Variants in RBFOX1 observed in about 807,000 individuals in gnomAD.
RBFOX1 encodes the protein RNA binding fox-1 homolog 1.
Under a neutral mutation model 57.7 loss-of-function variants are expected in RBFOX1, and 8 were observed. That is an observed-to-expected ratio of 0.14 (90% confidence interval 0.08 to 0.25). The LOEUF (loss-of-function observed/expected upper bound fraction) is 0.25. RBFOX1 is among the 10% of genes least tolerant of loss of function. RBFOX1 has a pLI of 1.00. For synonymous variants in RBFOX1, 326 were observed against 222.4 expected (o/e 1.47, Z -4.15); for missense variants, 611 against 548.5 (o/e 1.11, Z -1.14).
intron 3 of RBFOX1, among the ~76,000 whole-genome samples, chr16:6,758,414 A>T (rs2076132036): frequency 6.6e-6 from 1 of 152,158 alleles, no homozygotes; most frequent in Non-Finnish European, 1.5e-5. Flanking sequence ...TGTCATAGCA[A>T]CGGGTGCTAG....
rs781006857 is a variant in RBFOX1 at position 5,914,981 on chromosome 16, C to G, written c.351+47646C>G. 3.3e-5 allele frequency among the ~76,000 whole-genome samples: 5 copies of G among 152,178 alleles called. No homozygotes were observed. The East Asian group carries it at 7.7e-4, about 23-fold the overall frequency. On this transcript the variant is annotated intron_variant, in intron 4 of 19. Coordinates refer to the RBFOX1 transcript ENST00000641259. ...GAACCCACAGCCTTTTTATCACCTACTATTGTGATGTGCCATCACTTTTGC... is the reference window on the plus strand; with the variant it reads ...GAACCCACAGCCTTTTTATCACCTAGTATTGTGATGTGCCATCACTTTTGC...
intron 1 of RBFOX1, among the ~76,000 whole-genome samples, chr16:6,216,503 A>C (rs1010848453): frequency 6.6e-6 from 1 of 152,104 alleles, no homozygotes; most frequent in Non-Finnish European, 1.5e-5. Flanking sequence ...GACCCTCTGT[A>C]TTTGGCTTGA....
chr16:6,135,381 A>G (rs556267999), intron 1 of RBFOX1, among the ~76,000 whole-genome samples: 1 of 152,212 alleles, frequency 6.6e-6, no homozygotes, highest in East Asian at 1.9e-4. Flanking sequence ...CATAGAATTC[A>G]GTGCAGGTAT....
chr16:5,832,404 A>G (rs762206795), intron 3 of RBFOX1, among the ~76,000 whole-genome samples: 1 of 152,228 alleles, frequency 6.6e-6, no homozygotes, highest in Non-Finnish European at 1.5e-5. Context: ...GCCACTTCCT[A>G]GCTGTGTGAT....
chr16:7,159,468 T>C (rs1363572497), intron 4 of RBFOX1, among the ~76,000 whole-genome samples: 3 of 152,180 alleles, frequency 2.0e-5, no homozygotes, highest in East Asian at 1.9e-4. Flanking sequence ...AGAAGGGTCA[T>C]GAGGGCTGTC....
intron 4 of RBFOX1, among the ~76,000 whole-genome samples, chr16:7,166,972 CTTTTTTTTTTTTTTTTTTTT>C (rs537293692): frequency 1.4e-4 from 7 of 49,098 alleles, no homozygotes; most frequent in Admixed American, 5.6e-4. Flanking sequence ...CATTGGTGTT[CTTTTTTTTTTTTTTTTTTTT>C]TTTTTTTTTT....
At chr16:5,912,604 C>T (rs1414493278) in intron 4 of RBFOX1, among the ~76,000 whole-genome samples, 1 of 152,204 alleles carries the variant, frequency 6.6e-6, no homozygotes, top group Non-Finnish European at 1.5e-5. Context: ...TGGTAGGCAT[C>T]TGGCAAAACA....
chr16:7,365,566 A>C (rs762561278), intron 4 of RBFOX1, among the ~76,000 whole-genome samples: 1 of 152,218 alleles, frequency 6.6e-6, no homozygotes, highest in Non-Finnish European at 1.5e-5. Context: ...TGCTGCTGAC[A>C]TCTACGGGAT....
chr16:6,077,685 T>TTTAC (rs113709258), intron 1 of RBFOX1, among the ~76,000 whole-genome samples: 72 of 52,940 alleles, frequency 1.4e-3, no homozygotes, highest in Non-Finnish European at 3.7e-3. Flanking sequence ...TTCTTTTATT[T>TTTAC]TTACTTATTT....
chr16:7,213,255 G>C (rs551339774), intron 4 of RBFOX1, among the ~76,000 whole-genome samples: 3 of 152,256 alleles, frequency 2.0e-5, no homozygotes, highest in South Asian at 4.1e-4. Context: ...CCCTTTATCA[G>C]TGGTTCCCCA....
intron 4 of RBFOX1, among the ~76,000 whole-genome samples, chr16:7,122,944 C>T (rs778177039): frequency 2.0e-4 from 30 of 151,992 alleles, no homozygotes; most frequent in Non-Finnish European, 3.8e-4. Context: ...GGAAGCCAGT[C>T]TCAAACGATG....
intron 11 of RBFOX1, among the ~76,000 whole-genome samples, chr16:7,642,412 T>C (rs538715352): frequency 4.3e-4 from 65 of 152,202 alleles, no homozygotes; most frequent in Non-Finnish European, 7.4e-4. Flanking sequence ...GGGACTGAAA[T>C]GAACAATGCA....
intron 3 of RBFOX1, among the ~76,000 whole-genome samples, chr16:6,977,382 C>G (rs921123201): frequency 6.6e-6 from 1 of 152,008 alleles, no homozygotes; most frequent in Admixed American, 6.6e-5. Context: ...ACCGGGATAT[C>G]TGGACACTCG....
intron 4 of RBFOX1, among the ~76,000 whole-genome samples, chr16:7,099,197 C>A (rs2062220583): frequency 6.6e-6 from 1 of 151,680 alleles, no homozygotes; most frequent in Non-Finnish European, 1.5e-5. Flanking sequence ...AAACTGAGTA[C>A]AAACAATGTC....
intron 14 of RBFOX1, among the ~76,000 whole-genome samples, chr16:7,684,042 C>T (rs1244445365): frequency 6.6e-6 from 1 of 152,042 alleles, no homozygotes; most frequent in East Asian, 1.9e-4. Flanking sequence ...TGAAATTTTT[C>T]AGTAAAAGTG....
At chr16:7,309,778 A>G (rs1311059610) in intron 4 of RBFOX1, among the ~76,000 whole-genome samples, 1 of 152,204 alleles carries the variant, frequency 6.6e-6, no homozygotes, top group Admixed American at 6.5e-5. Context: ...TGTAAACAAA[A>G]TCAGGTTGCT....
In RBFOX1 at chr16:7,627,402, T is replaced by G. The variant is rs146112819; in HGVS notation, c.677-3201T>G. Among the ~76,000 whole-genome samples, 2 of 152,292 alleles carry G rather than the reference T, an allele frequency of 1.3e-5. 1 individual carries two copies. The highest frequency in any genetic ancestry group is 4.1e-4 in the South Asian group (2 of 4,830). ...GCTAAAGAATGGGTAGGTAGTGGTA[T>G]AAATTGACCCCATTTGCCATCCCTA... On this transcript the variant is annotated intron_variant, in intron 10 of 15. Coordinates refer to ENST00000550418, the MANE Select transcript of RBFOX1 (RefSeq NM_018723.4).
intron 1 of RBFOX1, among the ~76,000 whole-genome samples, chr16:5,334,503 C>T (rs1334824995): frequency 6.6e-6 from 1 of 151,894 alleles, no homozygotes; most frequent in Non-Finnish European, 1.5e-5. Context: ...GGGTCTTGCT[C>T]ATTTTTGGAG....
At chr16:5,709,674 C>T (rs1267193488) in intron 3 of RBFOX1, among the ~76,000 whole-genome samples, 1 of 148,880 alleles carries the variant, frequency 6.7e-6, no homozygotes, top group African/African-American at 2.5e-5. Context: ...TTGTCTTTTT[C>T]ATTCAGGAGT....
Sources: allele counts gnomAD v4.1 joint callset (sites outside exome capture counted in the v4.1 genomes callset), GRCh38; gene constraint gnomAD v4.1.1; transcripts MANE v1.5; gene names NCBI Gene and HGNC (gene_info 2026-07-23, HGNC 2026-07-21).